The following PLCD4 variants were observed in gnomAD, a reference collection of about 807,000 sequenced individuals.
PLCD4 encodes phospholipase C delta 4, also known as 1-phosphatidylinositol 4,5-bisphosphate phosphodiesterase delta-4.
A neutral mutation model predicts 90.2 loss-of-function variants in PLCD4; 63 were observed. That is an observed-to-expected ratio of 0.70 (90% CI 0.57 to 0.86). The LOEUF is 0.86. Ranked by LOEUF, PLCD4 falls within the 40% of genes least tolerant of loss-of-function variation. The pLI, the probability that PLCD4 is intolerant of heterozygous loss-of-function variation, is 0.00. For synonymous variants in PLCD4, 294 were observed against 356.5 expected (o/e 0.82, Z 1.97); for missense variants, 830 against 956.3 (o/e 0.87, Z 1.74).
chr2:218,636,211 G>C (rs776719004), intron 14 of PLCD4, 32 bp from the exon 15 acceptor site: 1 of 1,600,790 alleles, frequency 6.2e-7, no homozygotes. Context: ...CTGTCATAAT[G>C]TCTTCTTATT....
chr2:218,623,136 T>G (rs1417764027), intron 6 of PLCD4, among the ~76,000 whole-genome samples: 1 of 152,236 alleles, frequency 6.6e-6, no homozygotes, highest in Admixed American at 6.5e-5. Flanking sequence ...TCCTCCATTA[T>G]GCTCATGTTT....
In PLCD4 at chr2:218,615,712, C is replaced by T. The variant is rs1332718904; in HGVS notation, c.-28C>T. 1 of 1,593,026 alleles carries T rather than the reference C, an allele frequency of 6.3e-7. No individual in the cohort carries two copies. The highest frequency in any genetic ancestry group is 8.5e-7 in the Non-Finnish European group (1 of 1,170,532). Reference sequence around the variant, plus strand: ...GCTCTTCCTTGCTCCTTTAGGTGATCTGGTGCCAGCTGGTGGAACAGTGGG... The same window carrying T: ...GCTCTTCCTTGCTCCTTTAGGTGATTTGGTGCCAGCTGGTGGAACAGTGGG... On this transcript the variant is annotated 5_prime_UTR_variant, in exon 2 of 16. Transcript: ENST00000450993.
chr2:218,633,297 G>T (rs1338128649), intron 10 of PLCD4: 1 of 677,662 alleles, frequency 1.5e-6, no homozygotes. Flanking sequence ...TGTCACCCAG[G>T]ATATAACATA....
intron 6 of PLCD4, among the ~76,000 whole-genome samples, chr2:218,627,028 C>G (rs938115737): frequency 2.0e-5 from 3 of 151,642 alleles, no homozygotes; most frequent in African/African-American, 7.3e-5. Context: ...CCAAGGCAGG[C>G]GGATCACGAG....
intron 1 of PLCD4, among the ~76,000 whole-genome samples, chr2:218,610,582 CAG>C (rs909501576): frequency 3.9e-5 from 6 of 152,088 alleles, no homozygotes; most frequent in Non-Finnish European, 5.9e-5. Flanking sequence ...ACAGAGGGAA[CAG>C]AAAGTGATGG....
At chr2:218,613,724 C>T (rs557368665) in intron 1 of PLCD4, among the ~76,000 whole-genome samples, 24 of 152,200 alleles carry the variant, frequency 1.6e-4, no homozygotes, top group Non-Finnish European at 3.2e-4. Flanking sequence ...CTACCACACT[C>T]GGCTAATTTA....
chr2:218,628,781 A>C (rs1696228680), intron 7 of PLCD4: 1 of 154,372 alleles, frequency 6.5e-6, no homozygotes, highest in Non-Finnish European at 1.4e-5. Flanking sequence ...ATATCTTTCT[A>C]TTACCAGCAA....
rs564116874 is a variant in PLCD4, at chr2:218,621,540, C to T, written c.481C>T (p.Arg161Trp). 2.8e-5 allele frequency: 45 copies of T among 1,613,924 alleles called. No homozygotes were observed. Among genetic ancestry groups the T allele is most frequent in the African/African-American group, 2.7e-5 (2 of 75,040 alleles). ...TAAGATGAGTTTCCAAGAAGTTCAGCGGTTATTGCACCTAATGAATGTGGA... is the reference window on the plus strand; with the variant it reads ...TAAGATGAGTTTCCAAGAAGTTCAGTGGTTATTGCACCTAATGAATGTGGA... ...DGKMSFQEVQRLLHLMNVEMD... is the reference protein window; with the variant it reads ...DGKMSFQEVQWLLHLMNVEMD... The change falls in exon 5 of 16, where the codon CGG becomes TGG. Residue 161 changes from arginine (R) to tryptophan (W), a missense_variant. Transcript: ENST00000450993.
At chr2:218,616,927 TAGAGAGAGAGAGAGAGAGAGAG>T (rs71266346) in intron 3 of PLCD4, among the ~76,000 whole-genome samples, 16 of 13,760 alleles carry the variant, frequency 1.2e-3, no homozygotes, top group Admixed American at 5.1e-3. Context: ...TATATATATA[TAGAGAGAGAGAGAGAGAGAGAG>T]AGAGAGAGAG....
At chr2:218,625,107 T>G (rs1443194716) in intron 6 of PLCD4, among the ~76,000 whole-genome samples, 1 of 108,364 alleles carries the variant, frequency 9.2e-6, no homozygotes, top group Non-Finnish European at 1.8e-5. Context: ...AGACCAAGAC[T>G]CTGTTTCAAA....
At chr2:218,621,668 AC>A (rs1695885727) in intron 5 of PLCD4, 69 bp downstream of exon 5, 2 of 1,573,218 alleles carry the variant, frequency 1.3e-6, no homozygotes, top group Non-Finnish European at 1.7e-6. Context: ...AAGTCCTCTG[AC>A]CCCAGTCCAC....
At chr2:218,611,415 T>G (rs1032031133) in intron 1 of PLCD4, among the ~76,000 whole-genome samples, 1 of 152,206 alleles carries the variant, frequency 6.6e-6, no homozygotes, top group Admixed American at 6.5e-5. Context: ...GTGAGGCTCC[T>G]GGACACAGGC....
rs1347194571 is a variant in PLCD4 at position 218,636,702 on chromosome 2, A to T, written c.*125A>T. On this transcript the variant is annotated 3_prime_UTR_variant, in exon 16 of 16. Transcript: ENST00000450993. Reference sequence around the variant, plus strand: ...CTTTGGATTGTGCATTCCTAGGCACAAAATTACCTCATTCTTCCTAACAAG... The same window carrying T: ...CTTTGGATTGTGCATTCCTAGGCACTAAATTACCTCATTCTTCCTAACAAG... 2.0e-6 allele frequency: 2 copies of T among 1,006,108 alleles called. No individual in the cohort carries two copies. The highest frequency in any genetic ancestry group is 3.0e-6 in the Non-Finnish European group (2 of 673,948). The allele number at this position is 1,006,108 out of a possible 1,614,324, so 62.3% of individuals were successfully genotyped here.
intron 9 of PLCD4, among the ~76,000 whole-genome samples, chr2:218,631,598 T>G (rs1696369769): frequency 1.3e-5 from 2 of 152,014 alleles, no homozygotes; most frequent in South Asian, 4.1e-4. Context: ...TGTTCAAGAC[T>G]AGCCTGGCCA....
Position 218,636,773 on chromosome 2 carries a change from CCTTT to C in PLCD4, c.*197_*200del, listed in dbSNP as rs1414588089. On this transcript the variant is annotated 3_prime_UTR_variant, in exon 16 of 16. Coordinates refer to ENST00000450993, the MANE Select transcript of PLCD4 (RefSeq NM_032726.4). ...CACCTTTTTTCTCTTTTCTTCCCTT[CCTTT>C]GTTTTCATAAGCCTTTGGTATCTTT... The C allele has an allele frequency of 1.1e-5, 7 of 664,254 alleles. No individual in the cohort carries two copies. The highest frequency in any genetic ancestry group is 4.9e-5 in the Admixed American group (2 of 40,870). The allele number at this position is 664,254 out of a possible 1,614,324, so 41.1% of individuals were successfully genotyped here. A position where few individuals can be genotyped will look rare whatever the true frequency, so the allele number is the denominator to read the frequency against.
In PLCD4 at chr2:218,622,681, G is replaced by A. The variant is rs751288141; in HGVS notation, c.575G>A (p.Gly192Glu). The A allele has an allele frequency of 1.4e-5, 22 of 1,613,846 alleles. No homozygotes were observed. The highest frequency in any genetic ancestry group is 3.3e-5 in the Admixed American group (2 of 59,996). ...ADTSQSGTLEGEEFVQFYKAL... is the reference protein window; with the variant it reads ...ADTSQSGTLEEEEFVQFYKAL... ...ACGTCCCAGTCTGGAACCCTGGAAG[G>A]AGAAGAATTCGTACAGTTCTATAAG... The change falls in exon 6 of 16, where the codon GGA becomes GAA. Residue 192 changes from glycine to glutamate, a missense_variant. By Grantham distance (98) the Gly-to-Glu change is moderately conservative (BLOSUM62 -2). Coordinates refer to ENST00000450993, the MANE Select transcript of PLCD4 (RefSeq NM_032726.4).
intron 1 of PLCD4, among the ~76,000 whole-genome samples, chr2:218,614,624 G>A (rs1047192080): frequency 1.3e-5 from 2 of 149,584 alleles, no homozygotes; most frequent in East Asian, 2.1e-4. Context: ...TAATTTTTTT[G>A]TATTACTAGT....
chr2:218,635,880 G>A lies in PLCD4; in HGVS notation c.1981G>A (p.Gly661Ser), dbSNP rs372277551. 10 of 1,613,846 alleles carry A rather than the reference G, an allele frequency of 6.2e-6. No individual in the cohort carries two copies. Among genetic ancestry groups the A allele is most frequent in the African/African-American group, 1.3e-5 (1 of 74,906 alleles). The part of the protein sequence containing the change: ...VDPLVKVQIF[G>S]VRLDTARQET... ...TCCACTGGTGAAAGTGCAGATCTTT[G>A]GCGTTCGTCTAGACACAGCACGGCA... Residue 661 changes from glycine (G) to serine (S), a missense_variant, in exon 14 of 16, where the codon GGC (glycine) becomes AGC (serine). Transcript: ENST00000450993.
Position 218,636,990 on chromosome 2 carries a change from T to C in PLCD4, c.*413T>C, listed in dbSNP as rs1696802118. The C allele has an allele frequency of 8.9e-6, 4 of 448,752 alleles. No individual in the cohort carries two copies. Among genetic ancestry groups the C allele is most frequent in the Admixed American group, 7.3e-5 (3 of 41,238 alleles). 27.8% of individuals were successfully genotyped at this position (448,752 alleles called of 1,614,324 possible). A position where few individuals can be genotyped will look rare whatever the true frequency, so the allele number is the denominator to read the frequency against. ...AAGCATCATCCCCTCCATCCCCAAC[T>C]TCCTCAAAGCCCAAAGCCAAGGGAA... is the stretch of plus-strand genomic sequence containing the variant. On this transcript the variant is annotated 3_prime_UTR_variant, in exon 16 of 16. Coordinates refer to ENST00000450993, the MANE Select transcript of PLCD4 (RefSeq NM_032726.4).
Sources: gnomAD v4.1 joint callset for allele counts (sites outside exome capture counted in the v4.1 genomes callset) on GRCh38, gnomAD v4.1.1 for gene constraint, MANE v1.5 for transcripts, NCBI Gene and HGNC (gene_info 2026-07-23, HGNC 2026-07-21) for gene names.